DAPK1: variants seen among roughly 807,000 people sequenced by gnomAD.
The protein encoded by DAPK1 is death associated protein kinase 1.
DAPK1 carries 56 observed loss-of-function variants against 144.9 expected under a neutral mutation model. The ratio of observed to expected loss-of-function variants is 0.39; its 90% CI spans 0.31 to 0.48. DAPK1 has a LOEUF of 0.48. Ranked by LOEUF, DAPK1 falls within the 20% of genes least tolerant of loss-of-function variation. DAPK1 has a pLI of 0.95. For synonymous variants in DAPK1, 690 were observed against 749.0 expected (o/e 0.92, Z 1.29); for missense variants, 1,454 against 1,875.4 (o/e 0.78, Z 4.15).
chr9:87,690,852 A>G (rs1382311763), intron 21 of DAPK1, among the ~76,000 whole-genome samples: 1 of 151,546 alleles, frequency 6.6e-6, no homozygotes, highest in Non-Finnish European at 1.5e-5. Flanking sequence ...TATTATGTCA[A>G]CTCATCCTTG....
chr9:87,702,778 A>G (rs776461281), intron 24 of DAPK1, among the ~76,000 whole-genome samples: 15 of 152,160 alleles, frequency 9.9e-5, no homozygotes, highest in Non-Finnish European at 2.1e-4. Context: ...AGTGGTGTGT[A>G]CTTGTAGTCG....
At chr9:87,618,090 T>TA (rs1829163851) in intron 3 of DAPK1, among the ~76,000 whole-genome samples, 1 of 152,236 alleles carries the variant, frequency 6.6e-6, no homozygotes, top group Admixed American at 6.5e-5. Flanking sequence ...CAGCATCCTC[T>TA]AGTTTCTCTC....
chr9:87,689,593 C>A (rs1321007770), intron 21 of DAPK1, among the ~76,000 whole-genome samples: 1 of 152,056 alleles, frequency 6.6e-6, no homozygotes, highest in Non-Finnish European at 1.5e-5. Flanking sequence ...CTTTGTAGGA[C>A]CAATGTCCTG....
At chr9:87,569,337 A>G (rs1454905347) in intron 2 of DAPK1, among the ~76,000 whole-genome samples, 1 of 152,192 alleles carries the variant, frequency 6.6e-6, no homozygotes, top group Non-Finnish European at 1.5e-5. Context: ...TGCCCCATGG[A>G]CTGAATCCAG....
intron 9 of DAPK1, among the ~76,000 whole-genome samples, chr9:87,641,292 G>A (rs924375565): frequency 3.9e-5 from 6 of 152,194 alleles, no homozygotes; most frequent in Non-Finnish European, 8.8e-5. Context: ...GGGCGCCCTG[G>A]AACATTACAC....
chr9:87,589,055 A>ATTTTTTTTTTT (rs35875159), intron 2 of DAPK1, among the ~76,000 whole-genome samples: 1 of 101,198 alleles, frequency 9.9e-6, no homozygotes. Context: ...CGCCCGGCTA[A>ATTTTTTTTTTT]TTTTTTTTTT....
Position 87,650,070 on chromosome 9 carries a change from C to G in DAPK1, c.1578C>G (p.Ile526Met). The G allele has an allele frequency of 1.2e-6, 2 of 1,614,106 alleles. No individual in the cohort carries two copies. Among genetic ancestry groups the G allele is most frequent in the Middle Eastern group, 1.6e-4 (1 of 6,062 alleles). The change falls in exon 16 of 26, where the codon ATC becomes ATG. Residue 526 changes from isoleucine to methionine, a missense_variant. Transcript: ENST00000408954. ...CCTCTGCCAGGGGCTACCACGACAT[C>G]GTGGAGTGTCTGGCCGAACATGGAG... ...LTASARGYHD[I>M]VECLAEHGAD...
At chr9:87,642,297 C>A (rs1160721410) in intron 10 of DAPK1, among the ~76,000 whole-genome samples, 1 of 152,202 alleles carries the variant, frequency 6.6e-6, no homozygotes, top group East Asian at 1.9e-4. Context: ...CAAAACTATT[C>A]TCAGTGCAAA....
At chr9:87,553,828 G>A (rs1826592965) in intron 2 of DAPK1, 1 of 152,198 alleles carries the variant, frequency 6.6e-6, no homozygotes, top group Admixed American at 6.5e-5. Context: ...CACAGATGAG[G>A]GCAATAAGGA....
At chr9:87,662,542 T>C in intron 18 of DAPK1, among the ~76,000 whole-genome samples, 1 of 140,154 alleles carries the variant, frequency 7.1e-6, no homozygotes, top group Non-Finnish European at 1.6e-5. Flanking sequence ...TTCACCTCCT[T>C]GGTTAAATAT....
intron 25 of DAPK1, among the ~76,000 whole-genome samples, chr9:87,703,712 A>G (rs771479168): frequency 6.6e-6 from 1 of 152,174 alleles, no homozygotes; most frequent in Non-Finnish European, 1.5e-5. Context: ...ACACAGAGTA[A>G]TCATAATTAA....
Position 87,506,325 on chromosome 9 carries a change from A to G in DAPK1, c.62+7186A>G, listed in dbSNP as rs1317814645. ...AGGTTTTCATTTGAAGCCCAGCCAAAGGCAACAGGGTCTGCCCTTTGAGCT... is the reference window on the plus strand; with the variant it reads ...AGGTTTTCATTTGAAGCCCAGCCAAGGGCAACAGGGTCTGCCCTTTGAGCT... On this transcript the variant is annotated intron_variant, in intron 2 of 25. Transcript: ENST00000408954. 2.0e-5 allele frequency among the ~76,000 whole-genome samples: 3 copies of G among 152,252 alleles called. No homozygotes were observed. In the East Asian group the frequency reaches 5.8e-4, roughly 29 times the overall value.
At position 87,539,422 on chromosome 9, in the gene DAPK1, A is replaced by G. The variant is rs1825963378; in HGVS notation, c.62+40283A>G. 2.2e-5 allele frequency among the ~76,000 whole-genome samples: 3 copies of G among 134,208 alleles called. No individual in the cohort carries two copies. The South Asian group carries it at 7.0e-4, about 31-fold the overall frequency. The allele number at this position is 134,208 out of a possible 152,430, so 88.0% of individuals were successfully genotyped here. ...GAAATACACAATTTATAAGTTTTAA[A>G]TTTCTCACTTTTTTTTTTTTTTTTT... On this transcript the variant is annotated intron_variant, in intron 2 of 25. Transcript: ENST00000408954.
chr9:87,641,091 C>T (rs1830078511), intron 9 of DAPK1, among the ~76,000 whole-genome samples: 1 of 152,182 alleles, frequency 6.6e-6, no homozygotes, highest in African/African-American at 2.4e-5. Flanking sequence ...CACTCGACAA[C>T]TGTGTTTGGA....
intron 2 of DAPK1, among the ~76,000 whole-genome samples, chr9:87,520,579 G>A (rs1380409178): frequency 1.3e-5 from 2 of 152,206 alleles, no homozygotes; most frequent in South Asian, 2.1e-4. Context: ...CGCCACTTTG[G>A]GGGGATGAAT....
chr9:87,678,481 C>T (rs1335633640), intron 19 of DAPK1, among the ~76,000 whole-genome samples: 1 of 152,228 alleles, frequency 6.6e-6, no homozygotes, highest in African/African-American at 2.4e-5. Context: ...TCCAGCACCA[C>T]AGCAGCGTGC....
intron 2 of DAPK1, 28 bp downstream of exon 2, chr9:87,499,167 C>T (rs12552278): frequency 0.04 from 63,230 of 1,599,898 alleles, 1,522 homozygotes; most frequent in Middle Eastern, 0.056. Flanking sequence ...AGCGTACCCT[C>T]CTGGATTGTG....
intron 2 of DAPK1, among the ~76,000 whole-genome samples, chr9:87,528,264 C>CTGGA (rs2118324779): frequency 6.7e-6 from 1 of 149,994 alleles, no homozygotes; most frequent in South Asian, 2.1e-4. Context: ...GTTGCCCAGG[C>CTGGA]TGGAGTGCAA....
intron 2 of DAPK1, among the ~76,000 whole-genome samples, chr9:87,531,452 A>C (rs1174012937): frequency 6.6e-6 from 1 of 152,214 alleles, no homozygotes. Flanking sequence ...TAGGACAGTG[A>C]GTCCATCTGA....
Sources: gnomAD v4.1 joint callset for allele counts (sites outside exome capture counted in the v4.1 genomes callset) on GRCh38, gnomAD v4.1.1 for gene constraint, MANE v1.5 for transcripts, NCBI Gene and HGNC (gene_info 2026-07-23, HGNC 2026-07-21) for gene names.